The following CACNA1D variants were observed in gnomAD, a reference collection of about 807,000 sequenced individuals.
CACNA1D encodes the protein calcium voltage-gated channel subunit alpha1 D.
A neutral mutation model predicts 257.1 loss-of-function variants in CACNA1D; 55 were observed. The ratio of observed to expected loss-of-function variants is 0.21; its 90% CI spans 0.17 to 0.27. CACNA1D has a LOEUF of 0.27. CACNA1D is among the 10% of genes least tolerant of loss of function. CACNA1D has a pLI of 1.00. For synonymous variants in CACNA1D, 980 were observed against 1,014.9 expected (o/e 0.97, Z 0.65); for missense variants, 1,876 against 2,784.0 (o/e 0.67, Z 7.34).
At position 53,800,275 on chromosome 3, in the gene CACNA1D, T is replaced by G. The variant is rs1174536575; in HGVS notation, c.4950T>G (p.Ile1650Met). 1.9e-6 allele frequency: 3 copies of G among 1,613,802 alleles called. No homozygotes were observed. The highest frequency in any genetic ancestry group is 2.5e-6 in the Non-Finnish European group (3 of 1,179,814). ...LQAGLRTLHD[I>M]GPEIRRAISC... is the part of the protein sequence containing the mutation. ...CGGGATTAAGGACACTGCATGACATTGGGCCAGAAATCCGGCGTGCTATAT... is the reference window on the plus strand; with the variant it reads ...CGGGATTAAGGACACTGCATGACATGGGGCCAGAAATCCGGCGTGCTATAT... The change falls in exon 41 of 48, where the codon ATT (isoleucine) becomes ATG (methionine). Residue 1650 changes from isoleucine to methionine, a missense_variant. Physicochemically the swap from Ile to Met is conservative, Grantham distance 10. Coordinates refer to ENST00000350061, the MANE Select transcript of CACNA1D (RefSeq NM_001128840.3). This position sits in a 1 kb window ranked among gnomAD's most constrained non-coding sequence, Gnocchi z 4.3.
rs9844771 is a variant in CACNA1D at position 53,692,556 on chromosome 3, C to G, written c.1221-10085C>G. ...ATTCCTTCACTCCATCCCTACCGCA[C>G]TCTCCTGCTCAGGGTAAGTGCCACA... is the stretch of plus-strand genomic sequence containing the variant. On this transcript the variant is annotated intron_variant, in intron 8 of 47. Transcript: ENST00000350061. Among the ~76,000 whole-genome samples, 984 of 152,314 alleles carry G rather than the reference C, an allele frequency of 6.5e-3. 9 individuals are homozygous for G. The highest frequency in any genetic ancestry group is 0.022 in the African/African-American group (927 of 41,560).
intron 8 of CACNA1D, among the ~76,000 whole-genome samples, chr3:53,687,510 T>C (rs1284406856): frequency 7.9e-6 from 1 of 126,418 alleles, no homozygotes. Context: ...AAGGATACTC[T>C]TTTTAGTTAA....
At chr3:53,796,484 G>A in intron 40 of CACNA1D, 1 of 444,866 alleles carries the variant, frequency 2.2e-6, no homozygotes, top group Non-Finnish European at 4.6e-6. Context: ...GTGTCTGATG[G>A]AGCTAGCTTA....
intron 8 of CACNA1D, among the ~76,000 whole-genome samples, chr3:53,691,725 A>G (rs1445522743): frequency 3.6e-5 from 3 of 82,814 alleles, no homozygotes; most frequent in Non-Finnish European, 7.2e-5. Flanking sequence ...TATATTACAT[A>G]TATAATATAT....
chr3:53,718,502 G>A (rs564307918), intron 10 of CACNA1D, 114 bp downstream of exon 10: 17 of 1,098,190 alleles, frequency 1.5e-5, no homozygotes, highest in African/African-American at 6.2e-5. Flanking sequence ...TGGGTGTGGC[G>A]GGTGGGAAGG....
chr3:53,613,143 A>C (rs186505358), intron 3 of CACNA1D, among the ~76,000 whole-genome samples: 1 of 152,322 alleles, frequency 6.6e-6, no homozygotes, highest in African/African-American at 2.4e-5. Flanking sequence ...GCTCTGATTA[A>C]CCCTAAATTT....
intron 8 of CACNA1D, among the ~76,000 whole-genome samples, chr3:53,684,319 C>T (rs543478841): frequency 2.0e-5 from 3 of 152,048 alleles, no homozygotes; most frequent in Non-Finnish European, 2.9e-5. Context: ...GTTAAATGTC[C>T]GCTTTAAAAA....
In CACNA1D at chr3:53,522,684, G is replaced by T. The variant is rs72957278; in HGVS notation, c.483+20964G>T. On this transcript the variant is annotated intron_variant, in intron 3 of 47. Transcript: ENST00000350061. ...TGTAATAATTGTACATATGTATGGGGTACATGTGCTATTTTGATACATGCC... is the reference window on the plus strand; with the variant it reads ...TGTAATAATTGTACATATGTATGGGTTACATGTGCTATTTTGATACATGCC... Among the ~76,000 whole-genome samples, 194 of 152,222 alleles carry T rather than the reference G, an allele frequency of 1.3e-3. 2 individuals are homozygous for T. Among genetic ancestry groups the T allele is most frequent in the African/African-American group, 4.4e-3 (181 of 41,508 alleles).
intron 9 of CACNA1D, among the ~76,000 whole-genome samples, chr3:53,716,620 A>G (rs1412891600): frequency 6.6e-6 from 1 of 152,154 alleles, no homozygotes; most frequent in African/African-American, 2.4e-5. Context: ...GAAATAATGA[A>G]AAAGTAAATC....
At chr3:53,574,333 C>T (rs533305052) in intron 3 of CACNA1D, among the ~76,000 whole-genome samples, 1 of 152,296 alleles carries the variant, frequency 6.6e-6, no homozygotes, top group Admixed American at 6.5e-5. Context: ...TCCTTTGAAC[C>T]CTTCTCACCG....
At chr3:53,681,189 A>G in intron 8 of CACNA1D, among the ~76,000 whole-genome samples, 1 of 152,192 alleles carries the variant, frequency 6.6e-6, no homozygotes, top group East Asian at 1.9e-4. Flanking sequence ...AAAACAAAAC[A>G]GCTTTGATAT....
chr3:53,777,468 G>T (rs1193038755), intron 37 of CACNA1D, among the ~76,000 whole-genome samples: 2 of 152,206 alleles, frequency 1.3e-5, no homozygotes, highest in Non-Finnish European at 2.9e-5. Context: ...TGAGGCAGGG[G>T]GATCAACCAG....
chr3:53,781,936 T>C, intron 39 of CACNA1D: 2 of 459,618 alleles, frequency 4.4e-6, no homozygotes, highest in Non-Finnish European at 7.8e-6. Flanking sequence ...GAATTAATGT[T>C]TGAGGACAAG....
chr3:53,686,607 A>G (rs2094475357), intron 8 of CACNA1D, among the ~76,000 whole-genome samples: 1 of 152,116 alleles, frequency 6.6e-6, no homozygotes, highest in African/African-American at 2.4e-5. Flanking sequence ...TGCAGACATT[A>G]CTAACAATAT....
At chr3:53,809,489 T>C (rs2095584964) in intron 46 of CACNA1D, 1 of 216,248 alleles carries the variant, frequency 4.6e-6, no homozygotes, top group Non-Finnish European at 9.4e-6. Context: ...TCTGCCGTGG[T>C]GGGATTGTAA....
At chr3:53,605,806 A>G (rs1409393826) in intron 3 of CACNA1D, among the ~76,000 whole-genome samples, 1 of 152,234 alleles carries the variant, frequency 6.6e-6, no homozygotes, top group African/African-American at 2.4e-5. Context: ...AGGTGGAGAT[A>G]GCATGTGACC....
intron 8 of CACNA1D, among the ~76,000 whole-genome samples, chr3:53,674,371 G>A (rs2094353434): frequency 1.3e-5 from 2 of 152,210 alleles, no homozygotes; most frequent in South Asian, 2.1e-4. Flanking sequence ...GTCATTGTGA[G>A]AACTGTCCCT....
At chr3:53,808,986 C>T (rs963535277) in intron 46 of CACNA1D, 2 of 585,762 alleles carry the variant, frequency 3.4e-6, no homozygotes, top group Non-Finnish European at 6.0e-6. Context: ...CATTTGAATC[C>T]AGGGAGCCAG....
intron 3 of CACNA1D, among the ~76,000 whole-genome samples, chr3:53,553,894 G>A (rs1241707050): frequency 6.6e-6 from 1 of 151,026 alleles, no homozygotes; most frequent in Non-Finnish European, 1.5e-5. Flanking sequence ...CTAGAGACTT[G>A]TGTTAAAGTG....
Sources: gnomAD v4.1 joint callset for allele counts (sites outside exome capture counted in the v4.1 genomes callset) on GRCh38, gnomAD v4.1.1 for gene constraint, Gnocchi (gnomAD v3.1) non-coding constraint, MANE v1.5 for transcripts, NCBI Gene and HGNC (gene_info 2026-07-23, HGNC 2026-07-21) for gene names.